Variants in GBF1 observed in about 807,000 individuals in gnomAD.
GBF1 encodes Golgi-specific brefeldin A-resistance guanine nucleotide exchange factor 1.
In GBF1, 114 loss-of-function variants were observed where a neutral mutation model predicts 210.5. The observed-to-expected ratio is 0.54, with a 90% CI of 0.47 to 0.63. GBF1 has a LOEUF of 0.63. Among genes scored for constraint, GBF1 ranks in the 30% least tolerant of loss-of-function variants. The pLI is 0.00. For missense variants in GBF1, 1,851 were observed against 2,357.7 expected (o/e 0.79, Z 4.45); for synonymous variants, 850 against 889.2 (o/e 0.96, Z 0.78).
chr10:102,316,830 G>C (rs2078976112), intron 3 of GBF1, among the ~76,000 whole-genome samples: 1 of 152,210 alleles, frequency 6.6e-6, no homozygotes, highest in Non-Finnish European at 1.5e-5. Flanking sequence ...GGCTAGCAGT[G>C]CCAGGCCCAC....
intron 14 of GBF1, 126 bp from the exon 15 acceptor site, chr10:102,362,349 C>T (rs142823189): frequency 0.012 from 8,489 of 697,214 alleles, 88 homozygotes; most frequent in Non-Finnish European, 0.017. Context: ...AGCCACCACG[C>T]CCGGCCAGAA....
chr10:102,231,460 C>T, the GBF1 span: 14 of 658,746 alleles, frequency 2.1e-5, no homozygotes, highest in Non-Finnish European at 3.4e-5. Context: ...GGGGCTGCGG[C>T]CGGGAGCCAG....
At chr10:102,365,019 C>G (rs2059832158) in intron 17 of GBF1, among the ~76,000 whole-genome samples, 2 of 152,162 alleles carry the variant, frequency 1.3e-5, no homozygotes, top group Admixed American at 6.5e-5. Flanking sequence ...GCTAGGCAAC[C>G]AAAGAAGCTA....
intron 33 of GBF1, among the ~76,000 whole-genome samples, chr10:102,378,149 C>T (rs1014474032): frequency 1.3e-5 from 2 of 149,258 alleles, no homozygotes; most frequent in African/African-American, 5.0e-5. Context: ...ACCCGGGAGG[C>T]AGAGCTTGCA....
intron 5 of GBF1, 85 bp from the exon 6 acceptor site, chr10:102,351,758 A>G: frequency 1.3e-6 from 1 of 792,540 alleles, no homozygotes; most frequent in Non-Finnish European, 2.3e-6. Context: ...AGGTGAGGTC[A>G]GCATTCTTGC....
intron 29 of GBF1, among the ~76,000 whole-genome samples, chr10:102,371,592 G>A (rs895526373): frequency 6.6e-6 from 1 of 152,154 alleles, no homozygotes; most frequent in Non-Finnish European, 1.5e-5. Context: ...TAGATGGAAA[G>A]GCACAAGCTC....
intron 29 of GBF1, among the ~76,000 whole-genome samples, chr10:102,371,488 T>A (rs1316865311): frequency 2.0e-5 from 3 of 152,238 alleles, no homozygotes; most frequent in Non-Finnish European, 4.4e-5. Flanking sequence ...AGTAACTTTG[T>A]CACTTCTCCC....
At chr10:102,259,912 G>A (rs1195654621) in intron 2 of GBF1, 138 bp from the exon 3 acceptor site, 1 of 586,172 alleles carries the variant, frequency 1.7e-6, no homozygotes, top group Non-Finnish European at 3.1e-6. Flanking sequence ...ATGAACTATG[G>A]CTAATTTTCT....
intron 3 of GBF1, among the ~76,000 whole-genome samples, chr10:102,289,994 C>T (rs754448355): frequency 4.6e-5 from 7 of 151,886 alleles, no homozygotes; most frequent in Non-Finnish European, 1.0e-4. Context: ...GCCTGTAGTC[C>T]CAGCTACTCA....
chr10:102,265,393 A>G (rs1488748486), intron 3 of GBF1, among the ~76,000 whole-genome samples: 6 of 152,132 alleles, frequency 3.9e-5, no homozygotes, highest in Non-Finnish European at 2.9e-5. Flanking sequence ...AAGTATCACA[A>G]CCAGGCTAGG....
intron 3 of GBF1, among the ~76,000 whole-genome samples, chr10:102,295,248 G>A (rs1016068523): frequency 6.6e-6 from 1 of 152,168 alleles, no homozygotes; most frequent in Non-Finnish European, 1.5e-5. Flanking sequence ...ACTGTCAAGG[G>A]CTTGGCAGAT....
intron 17 of GBF1, among the ~76,000 whole-genome samples, chr10:102,364,317 CG>C (rs201862804): frequency 0.01 from 1,500 of 148,736 alleles, 21 homozygotes; most frequent in African/African-American, 0.035. Flanking sequence ...CTCCACCTAC[CG>C]GGTTCAAGCA....
the GBF1 span, among the ~76,000 whole-genome samples, chr10:102,239,142 G>C: frequency 6.6e-6 from 1 of 152,126 alleles, no homozygotes; most frequent in Non-Finnish European, 1.5e-5. Flanking sequence ...GCCCTCACCA[G>C]CAACCCCTGG....
chr10:102,363,711 T>G lies in GBF1; in HGVS notation c.2019T>G (p.Ala673=). 6.2e-7 allele frequency: 1 copy of G among 1,604,440 alleles called. No individual in the cohort carries two copies. The highest frequency in any genetic ancestry group is 8.5e-7 in the Non-Finnish European group (1 of 1,171,140). The part of the protein sequence containing the change: ...SDLEEAVDSG[A]DKKFARKPPR... The stretch of plus-strand genomic sequence containing the variant: ...CCCCCCTCTTCTTCCTACTCCTAGC[T>G]GACAAAAAGTTTGCCCGGAAGCCAC... The change falls in exon 17 of 40, where the codon GCT becomes GCG. Residue 673 remains alanine, a splice_region_variant and synonymous_variant. Coordinates refer to ENST00000369983, the MANE Select transcript of GBF1 (RefSeq NM_001377137.1). The surrounding 1 kb of genome is among the most constrained non-coding windows in gnomAD (Gnocchi z 4.2).
At chr10:102,231,656 G>A in the GBF1 span, 1 of 1,612,512 alleles carries the variant, frequency 6.2e-7, no homozygotes, top group Non-Finnish European at 8.5e-7. Flanking sequence ...TCGGGGTAGC[G>A]GTTCCTCTGG....
chr10:102,380,226 T>C (rs772621476), intron 36 of GBF1, 23 bp from the exon 37 acceptor site: 1 of 1,520,162 alleles, frequency 6.6e-7, no homozygotes, highest in Admixed American at 1.7e-5. Context: ...TCCCCTCAGC[T>C]GAAGGGGGCT....
At chr10:102,269,323 G>T (rs1328319682) in intron 3 of GBF1, among the ~76,000 whole-genome samples, 1 of 152,196 alleles carries the variant, frequency 6.6e-6, no homozygotes, top group Non-Finnish European at 1.5e-5. Flanking sequence ...GTGGCCTAAT[G>T]GACTGTACAT....
intron 14 of GBF1, 128 bp downstream of exon 14, chr10:102,362,040 C>CTTTTA: frequency 3.6e-6 from 1 of 277,520 alleles, no homozygotes. Flanking sequence ...AAGGCATTTT[C>CTTTTA]TTTTCTTTTC....
At chr10:102,312,307 A>T (rs1322489595) in intron 3 of GBF1, among the ~76,000 whole-genome samples, 1 of 151,916 alleles carries the variant, frequency 6.6e-6, no homozygotes, top group Non-Finnish European at 1.5e-5. Context: ...AAAAAAAAAA[A>T]AAAGAAAGAA....
Sources: gnomAD v4.1 joint callset for allele counts (sites outside exome capture counted in the v4.1 genomes callset) on GRCh38, gnomAD v4.1.1 for gene constraint, Gnocchi (gnomAD v3.1) non-coding constraint, MANE v1.5 for transcripts, NCBI Gene and HGNC (gene_info 2026-07-23, HGNC 2026-07-21) for gene names.